PPHLN1: variants seen among roughly 807,000 people sequenced by gnomAD.
PPHLN1 encodes periphilin-1.
A neutral mutation model predicts 51.3 loss-of-function variants in PPHLN1; 29 were observed. The observed-to-expected ratio is 0.57, with a 90% CI of 0.42 to 0.77. The LOEUF is 0.77. Ranked by LOEUF, PPHLN1 falls within the 30% of genes least tolerant of loss-of-function variation. The pLI, the probability that PPHLN1 is intolerant of heterozygous loss-of-function variation, is 0.00. For synonymous variants in PPHLN1, 147 were observed against 147.8 expected (o/e 0.99, Z 0.04); for missense variants, 436 against 438.4 (o/e 0.99, Z 0.05).
At chr12:42,364,641 G>T (rs537505343) in intron 4 of PPHLN1, among the ~76,000 whole-genome samples, 17 of 152,126 alleles carry the variant, frequency 1.1e-4, no homozygotes, top group Admixed American at 9.2e-4. Context: ...TTTTAAAAAG[G>T]CCAGGCAGGT....
chr12:42,338,764 T>C (rs1423336116), intron 2 of PPHLN1, among the ~76,000 whole-genome samples: 2 of 152,204 alleles, frequency 1.3e-5, no homozygotes, highest in Admixed American at 1.3e-4. Context: ...GAGAGCTCTT[T>C]AGTAACACTG....
At chr12:42,389,082 C>G (rs776548464) in intron 7 of PPHLN1, among the ~76,000 whole-genome samples, 13 of 152,002 alleles carry the variant, frequency 8.6e-5, no homozygotes, top group Non-Finnish European at 1.9e-4. Flanking sequence ...ACTAAAAATA[C>G]AAAGAATTGG....
At chr12:42,429,684 C>T (rs188646979) in intron 9 of PPHLN1, among the ~76,000 whole-genome samples, 8 of 152,306 alleles carry the variant, frequency 5.3e-5, no homozygotes, top group African/African-American at 1.9e-4. Flanking sequence ...TGACCAATTC[C>T]AGTGCTTTAA....
chr12:42,378,084 A>T lies in PPHLN1; in HGVS notation c.511+3010A>T, dbSNP rs113374720. On this transcript the variant is annotated intron_variant, in intron 5 of 9. Transcript: ENST00000358314. ...AATGCCTGCATCTAGCTATCTATCT[A>T]TCTTTCTCTTTCTTTCTTTCTTTCT... 9.7e-3 allele frequency among the ~76,000 whole-genome samples: 1,211 copies of T among 124,610 alleles called. 6 individuals are homozygous for T. Among genetic ancestry groups the T allele is most frequent in the East Asian group, 0.023 (96 of 4,194 alleles). 81.7% of individuals were successfully genotyped at this position (124,610 alleles called of 152,430 possible). A position where few individuals can be genotyped will look rare whatever the true frequency, so the allele number is the denominator to read the frequency against.
chr12:42,348,261 C>G (rs1429403691), intron 2 of PPHLN1, among the ~76,000 whole-genome samples: 1 of 146,422 alleles, frequency 6.8e-6, no homozygotes, highest in Non-Finnish European at 1.5e-5. Flanking sequence ...CAGGCATGCA[C>G]ACCTCACCTG....
intron 5 of PPHLN1, among the ~76,000 whole-genome samples, chr12:42,378,127 TCTTTCTTTCTTTCTTTCTTTCTTTC>T (rs921594570): frequency 2.0e-5 from 3 of 148,230 alleles, no homozygotes; most frequent in African/African-American, 7.9e-5. Context: ...TTTCTTTCTT[TCTTTCTTTCTTTCTTTCTTTCTTTC>T]AAGTTATTTA....
At chr12:42,424,836 A>T (rs1404394483) in intron 9 of PPHLN1, among the ~76,000 whole-genome samples, 1 of 152,240 alleles carries the variant, frequency 6.6e-6, no homozygotes, top group Admixed American at 6.5e-5. Context: ...TAAAAAAATG[A>T]AAGTTTTTCT....
At chr12:42,412,415 A>G (rs2079954069) in intron 9 of PPHLN1, among the ~76,000 whole-genome samples, 1 of 146,820 alleles carries the variant, frequency 6.8e-6, no homozygotes, top group African/African-American at 2.6e-5. Flanking sequence ...GCTCCAAAAG[A>G]TATTATTTCA....
intron 2 of PPHLN1, among the ~76,000 whole-genome samples, chr12:42,343,532 A>T (rs1188881666): frequency 1.3e-5 from 2 of 152,218 alleles, no homozygotes; most frequent in African/African-American, 4.8e-5. Flanking sequence ...TGTGGACAAC[A>T]GTATCCTTCC....
chr12:42,364,455 C>A (rs567922874), intron 4 of PPHLN1, among the ~76,000 whole-genome samples: 1 of 152,022 alleles, frequency 6.6e-6, no homozygotes, highest in South Asian at 2.1e-4. Flanking sequence ...CATAAGGCGA[C>A]CCCATTTCTA....
chr12:42,376,799 A>G (rs2076304358), intron 5 of PPHLN1, among the ~76,000 whole-genome samples: 2 of 152,198 alleles, frequency 1.3e-5, no homozygotes, highest in South Asian at 2.1e-4. Flanking sequence ...AAAAATAAAT[A>G]AATAAATAAG....
intron 2 of PPHLN1, among the ~76,000 whole-genome samples, chr12:42,349,852 A>G (rs1260301599): frequency 1.3e-5 from 2 of 152,116 alleles, no homozygotes; most frequent in Non-Finnish European, 2.9e-5. Context: ...TCTTTTCCCC[A>G]CATTTCCCCC....
At chr12:42,386,066 C>G (rs1049937857) in intron 6 of PPHLN1, among the ~76,000 whole-genome samples, 11 of 152,344 alleles carry the variant, frequency 7.2e-5, no homozygotes, top group African/African-American at 2.4e-4. Context: ...TTAAAAGACT[C>G]TAGGGCTGTA....
chr12:42,342,548 G>T (rs1455245762), intron 2 of PPHLN1, among the ~76,000 whole-genome samples: 1 of 152,180 alleles, frequency 6.6e-6, no homozygotes, highest in South Asian at 2.1e-4. Flanking sequence ...TTTTTCATTA[G>T]CTTATTTGAA....
intron 6 of PPHLN1, among the ~76,000 whole-genome samples, chr12:42,386,772 C>A (rs2077229951): frequency 6.6e-6 from 1 of 152,050 alleles, no homozygotes; most frequent in African/African-American, 2.4e-5. Context: ...AGTTGTTGAA[C>A]CTGCTAAAGT....
intron 9 of PPHLN1, among the ~76,000 whole-genome samples, chr12:42,424,655 C>G (rs1471389414): frequency 3.3e-5 from 5 of 152,114 alleles, no homozygotes; most frequent in African/African-American, 9.7e-5. Context: ...TGTAGGTAAT[C>G]CTGACCACCC....
intron 2 of PPHLN1, among the ~76,000 whole-genome samples, chr12:42,350,960 AGACGGAGAG>A (rs1187296734): frequency 6.6e-6 from 1 of 151,350 alleles, no homozygotes; most frequent in East Asian, 1.9e-4. Flanking sequence ...GGAAAGCAGG[AGACGGAGAG>A]GAGGGAGAGG....
chr12:42,328,342 T>C (rs1455045031), intron 1 of PPHLN1, among the ~76,000 whole-genome samples: 1 of 152,178 alleles, frequency 6.6e-6, no homozygotes, highest in East Asian at 1.9e-4. Flanking sequence ...GAAGTTTGGA[T>C]TTATTATGGT....
At chr12:42,425,667 G>A (rs138440267) in intron 9 of PPHLN1, among the ~76,000 whole-genome samples, 1,978 of 152,276 alleles carry the variant, frequency 0.013, 52 homozygotes, top group African/African-American at 0.044. Flanking sequence ...GATTACAGGC[G>A]TGAGCCACTG....
Sources: allele counts gnomAD v4.1 joint callset (sites outside exome capture counted in the v4.1 genomes callset), GRCh38; gene constraint gnomAD v4.1.1; transcripts MANE v1.5; gene names NCBI Gene and HGNC (gene_info 2026-07-23, HGNC 2026-07-21).